ROBO1: variants seen among roughly 807,000 people sequenced by gnomAD.
ROBO1 encodes the protein roundabout homolog 1.
ROBO1 carries 149 observed loss-of-function variants against 195.9 expected under a neutral mutation model. The observed-to-expected ratio is 0.76, with a 90% CI of 0.67 to 0.87. ROBO1 has a LOEUF of 0.87. Among genes scored for constraint, ROBO1 ranks in the 40% least tolerant of loss-of-function variants. The probability of loss-of-function intolerance (pLI) is 0.00; values close to 1 mark genes in which losing one functional copy is unlikely to be tolerated. For synonymous variants in ROBO1, 816 were observed against 733.2 expected (o/e 1.11, Z -1.82); for missense variants, 1,933 against 2,068.3 (o/e 0.93, Z 1.27).
chr3:79,671,716 A>G (rs559372215), intron 1 of ROBO1, among the ~76,000 whole-genome samples: 1 of 152,044 alleles, frequency 6.6e-6, no homozygotes, highest in Non-Finnish European at 1.5e-5. Flanking sequence ...CAACATATTG[A>G]AATTTATTGT....
At chr3:79,728,442 AC>A (rs1400269795) in intron 1 of ROBO1, among the ~76,000 whole-genome samples, 2 of 152,066 alleles carry the variant, frequency 1.3e-5, no homozygotes, top group Non-Finnish European at 2.9e-5. Context: ...TTCATCGATA[AC>A]TCTTTGTTTT....
At chr3:79,019,416 G>T (rs768106878) in intron 3 of ROBO1, 1 of 986,096 alleles carries the variant, frequency 1.0e-6, no homozygotes, top group Non-Finnish European at 1.2e-6. Flanking sequence ...GATCAGCGGC[G>T]TCTGAAGTTT....
At position 78,741,724 on chromosome 3, in the gene ROBO1, C is replaced by T. The variant is rs971977308; in HGVS notation, c.657+5019G>A. On this transcript the variant is annotated intron_variant, in intron 5 of 30. Transcript: ENST00000464233. ...TGTATAAGAAAATTTCATTTATTAA[C>T]AATGATGGATATGATTAAGTCTCAA... Among the ~76,000 whole-genome samples the T allele has an allele frequency of 9.2e-5, 14 of 152,058 alleles. No homozygotes were observed. The South Asian group carries it at 2.1e-3, about 23-fold the overall frequency.
chr3:79,419,376 A>G (rs549254784), intron 2 of ROBO1, among the ~76,000 whole-genome samples: 1 of 152,236 alleles, frequency 6.6e-6, no homozygotes, highest in South Asian at 2.1e-4. Context: ...AGTATGACAT[A>G]GTCCAGCCTC....
chr3:79,525,566 A>G (rs1444159490), intron 2 of ROBO1, among the ~76,000 whole-genome samples: 1 of 146,442 alleles, frequency 6.8e-6, no homozygotes, highest in African/African-American at 2.5e-5. Flanking sequence ...AAATATATAT[A>G]TATTTTTTTT....
intron 3 of ROBO1, among the ~76,000 whole-genome samples, chr3:79,116,266 C>T (rs188858898): frequency 1.7e-3 from 256 of 151,790 alleles, no homozygotes; most frequent in Non-Finnish European, 2.4e-3. Flanking sequence ...TCTTTCCCTT[C>T]CTTCCTTCCT....
At chr3:78,884,547 A>AAGAAAGAAAGAGAGAAAGAG (rs1428716225) in intron 4 of ROBO1, among the ~76,000 whole-genome samples, 2 of 151,736 alleles carry the variant, frequency 1.3e-5, no homozygotes, top group East Asian at 1.9e-4. Flanking sequence ...TCAAAAAAGA[A>AAGAAAGAAAGAGAGAAAGAG]AGAAAGAAAG....
At chr3:79,432,591 G>C (rs77422719) in intron 2 of ROBO1, among the ~76,000 whole-genome samples, 23 of 152,086 alleles carry the variant, frequency 1.5e-4, no homozygotes, top group African/African-American at 5.3e-4. Flanking sequence ...TAATTCTTTC[G>C]CACAGAATTA....
chr3:78,862,004 C>T (rs931388952), intron 4 of ROBO1, among the ~76,000 whole-genome samples: 32 of 152,086 alleles, frequency 2.1e-4, no homozygotes, highest in Non-Finnish European at 3.7e-4. Flanking sequence ...CCCTAGAACA[C>T]GTGAATATGC....
At chr3:79,547,652 G>A (rs1462444288) in intron 2 of ROBO1, among the ~76,000 whole-genome samples, 2 of 152,290 alleles carry the variant, frequency 1.3e-5, no homozygotes, top group East Asian at 3.9e-4. Context: ...GCAGACATGA[G>A]CAGAGAGGAT....
chr3:79,728,557 A>G (rs573723220), intron 1 of ROBO1, among the ~76,000 whole-genome samples: 16 of 152,350 alleles, frequency 1.1e-4, no homozygotes, highest in African/African-American at 2.4e-4. Flanking sequence ...TAATTTAAAA[A>G]TAAATCACAT....
At chr3:78,862,813 A>G (rs543918575) in intron 4 of ROBO1, among the ~76,000 whole-genome samples, 6 of 152,204 alleles carry the variant, frequency 3.9e-5, no homozygotes, top group Non-Finnish European at 8.8e-5. Context: ...TGGGTGAGGA[A>G]TGTTTATATC....
chr3:79,473,442 T>G (rs541271947), intron 2 of ROBO1, among the ~76,000 whole-genome samples: 3 of 152,190 alleles, frequency 2.0e-5, no homozygotes, highest in Middle Eastern at 3.4e-3. Context: ...ATCATATTTG[T>G]TTTTTTGTTA....
rs962780157 is a variant in ROBO1 at position 79,043,697 on chromosome 3, C to A, written c.172+81759G>T. On this transcript the variant is annotated intron_variant, in intron 3 of 30. Transcript: ENST00000464233. ...CATCATTATGCTAGATTTAAGCTGT[C>A]AAACTAAGTTGATAACACATGTTAA... Among the ~76,000 whole-genome samples, 7 of 152,178 alleles carry A rather than the reference C, an allele frequency of 4.6e-5. No homozygotes were observed. In the East Asian group the frequency reaches 1.2e-3, roughly 25 times the overall value.
At chr3:79,526,178 ATTG>A (rs1271064323) in intron 2 of ROBO1, among the ~76,000 whole-genome samples, 7 of 152,186 alleles carry the variant, frequency 4.6e-5, no homozygotes, top group Non-Finnish European at 1.0e-4. Flanking sequence ...TTTGAATCTT[ATTG>A]TTTCCTTAAG....
chr3:79,023,169 A>T (rs1348457548), intron 3 of ROBO1, among the ~76,000 whole-genome samples: 1 of 151,970 alleles, frequency 6.6e-6, no homozygotes, highest in Non-Finnish European at 1.5e-5. Flanking sequence ...TGACACATGC[A>T]ATGCACACCA....
At chr3:79,615,951 T>G (rs1003048775) in intron 1 of ROBO1, among the ~76,000 whole-genome samples, 2 of 152,176 alleles carry the variant, frequency 1.3e-5, no homozygotes, top group African/African-American at 4.8e-5. Context: ...AGGGAAAAAC[T>G]GAATTGCAGC....
At chr3:79,401,513 T>A (rs1232097479) in intron 2 of ROBO1, among the ~76,000 whole-genome samples, 3 of 151,898 alleles carry the variant, frequency 2.0e-5, no homozygotes, top group Non-Finnish European at 4.4e-5. Flanking sequence ...TAATGTCACA[T>A]ACATGATTTT....
At chr3:79,275,236 A>G (rs1423810978) in intron 2 of ROBO1, among the ~76,000 whole-genome samples, 1 of 152,046 alleles carries the variant, frequency 6.6e-6, no homozygotes, top group Non-Finnish European at 1.5e-5. Flanking sequence ...ATCCTCAACA[A>G]AATACCAGGA....
Sources: allele counts gnomAD v4.1 joint callset (sites outside exome capture counted in the v4.1 genomes callset), GRCh38; gene constraint gnomAD v4.1.1; transcripts MANE v1.5; gene names NCBI Gene and HGNC (gene_info 2026-07-23, HGNC 2026-07-21).